Variants in NDST4 observed in about 807,000 individuals in gnomAD.
NDST4 encodes the protein N-deacetylase and N-sulfotransferase 4.
A neutral mutation model predicts 100.8 loss-of-function variants in NDST4; 63 were observed. The ratio of observed to expected loss-of-function variants is 0.62; its 90% CI spans 0.51 to 0.77. The LOEUF (loss-of-function observed/expected upper bound fraction) is 0.77, where lower values mean the gene tolerates loss of function less well. NDST4 is among the 30% of genes least tolerant of loss of function. The pLI, the probability that NDST4 is intolerant of heterozygous loss-of-function variation, is 0.00. For synonymous variants in NDST4, 377 were observed against 361.8 expected (o/e 1.04, Z -0.48); for missense variants, 943 against 1,018.4 (o/e 0.93, Z 1.01).
intron 2 of NDST4, among the ~76,000 whole-genome samples, chr4:115,020,466 A>G (rs757941940): frequency 1.4e-4 from 22 of 152,146 alleles, no homozygotes; most frequent in Non-Finnish European, 2.2e-4. Context: ...AATCACACAT[A>G]GGAAAAACCC....
At chr4:114,997,324 T>C (rs1007492536) in intron 2 of NDST4, among the ~76,000 whole-genome samples, 2 of 152,188 alleles carry the variant, frequency 1.3e-5, no homozygotes, top group Non-Finnish European at 2.9e-5. Context: ...TCCTAGCATG[T>C]TTATATCAAG....
In NDST4 at chr4:115,015,566, A is replaced by G. The variant is rs776646750; in HGVS notation, c.979-38292T>C. ...TTGGTAACAAATTTTGGGAAGAAGT[A>G]CGTGCATAATTCTGTCTTAAAGGGC... is the stretch of plus-strand genomic sequence containing the variant. On this transcript the variant is annotated intron_variant, in intron 2 of 13. Transcript: ENST00000264363. 8.0e-4 allele frequency among the ~76,000 whole-genome samples: 122 copies of G among 152,240 alleles called. 2 individuals are homozygous for G. Among genetic ancestry groups the G allele is most frequent in the Middle Eastern group, 3.4e-3 (1 of 294 alleles).
intron 11 of NDST4, 128 bp from the exon 12 acceptor site, chr4:114,833,843 T>C (rs2126180745): frequency 1.7e-6 from 1 of 582,978 alleles, no homozygotes; most frequent in Admixed American, 3.5e-5. Flanking sequence ...ATGCCCTACT[T>C]AGAATACATC....
intron 2 of NDST4, among the ~76,000 whole-genome samples, chr4:115,026,136 T>G (rs1469878406): frequency 6.6e-6 from 1 of 152,136 alleles, no homozygotes; most frequent in Non-Finnish European, 1.5e-5. Context: ...TCCATTTGAT[T>G]GCATGTACTT....
At chr4:114,946,453 A>G (rs1409481381) in intron 4 of NDST4, among the ~76,000 whole-genome samples, 5 of 152,184 alleles carry the variant, frequency 3.3e-5, no homozygotes, top group African/African-American at 1.2e-4. Flanking sequence ...ACGGGTTGCA[A>G]AATTAAATAG....
chr4:114,997,057 A>G (rs1229787244), intron 2 of NDST4, among the ~76,000 whole-genome samples: 1 of 152,022 alleles, frequency 6.6e-6, no homozygotes, highest in Admixed American at 6.6e-5. Flanking sequence ...CCATGGACAA[A>G]GTCATTTAGA....
chr4:114,845,716 T>C (rs1250106972), intron 10 of NDST4, 107 bp downstream of exon 10: 3 of 1,006,718 alleles, frequency 3.0e-6, no homozygotes, highest in African/African-American at 1.6e-5. Context: ...GTTTAGATAT[T>C]CTTACATTTG....
intron 2 of NDST4, among the ~76,000 whole-genome samples, chr4:114,990,717 C>T (rs1215940282): frequency 6.6e-6 from 1 of 152,072 alleles, no homozygotes; most frequent in Non-Finnish European, 1.5e-5. Context: ...CACACATTTA[C>T]ATAATACACT....
intron 2 of NDST4, among the ~76,000 whole-genome samples, chr4:114,983,616 C>G (rs1467101068): frequency 6.6e-6 from 1 of 152,108 alleles, no homozygotes; most frequent in African/African-American, 2.4e-5. Flanking sequence ...GCAGAAGGAA[C>G]TTACTTTGTC....
intron 2 of NDST4, among the ~76,000 whole-genome samples, chr4:115,013,708 GAAT>G (rs1727611385): frequency 6.6e-6 from 1 of 151,740 alleles, no homozygotes; most frequent in Admixed American, 6.6e-5. Context: ...CTGCAGTTCT[GAAT>G]GCATAACTGG....
rs374061443 is a variant in NDST4 at position 114,894,035 on chromosome 4, G to A, written c.1537-23085C>T. Among the ~76,000 whole-genome samples the A allele has an allele frequency of 1.5e-3, 235 of 152,226 alleles. 1 individual carries two copies. Among genetic ancestry groups the A allele is most frequent in the African/African-American group, 5.0e-3 (209 of 41,550 alleles). On this transcript the variant is annotated intron_variant, in intron 6 of 13. Transcript: ENST00000264363. ...GCTTGTTTTTGTCAGGTTTGTTGAA[G>A]ATCAGATGGTTGTAGATGAGTAGTG...
At chr4:115,083,370 G>A (rs1183590647) in intron 1 of NDST4, among the ~76,000 whole-genome samples, 1 of 152,108 alleles carries the variant, frequency 6.6e-6, no homozygotes, top group Non-Finnish European at 1.5e-5. Context: ...GAGGCAGGGA[G>A]TTTACCTTGA....
At chr4:114,993,535 C>T (rs1727095775) in intron 2 of NDST4, among the ~76,000 whole-genome samples, 1 of 151,906 alleles carries the variant, frequency 6.6e-6, no homozygotes, top group South Asian at 2.1e-4. Flanking sequence ...ATTCTGTTGC[C>T]TTTACACCTA....
At position 114,951,046 on chromosome 4, in the gene NDST4, G is replaced by A. The variant is rs184402618; in HGVS notation, c.1222-13543C>T. Among the ~76,000 whole-genome samples, 8 of 152,018 alleles carry A rather than the reference G, an allele frequency of 5.3e-5. 1 individual carries two copies. In the East Asian group the frequency reaches 1.5e-3, roughly 29 times the overall value. On this transcript the variant is annotated intron_variant, in intron 4 of 13. Transcript: ENST00000264363. ...AAAGGAAGTCAGGAAAGAAAAGAAG[G>A]GGAGAAGGAGGGAATAAGGTTGAAA...
At chr4:114,985,821 C>T (rs1339654438) in intron 2 of NDST4, among the ~76,000 whole-genome samples, 1 of 152,122 alleles carries the variant, frequency 6.6e-6, no homozygotes. Context: ...TCAATAAAGT[C>T]CACCCTGGAA....
At chr4:114,943,573 A>G (rs1164291104) in intron 4 of NDST4, among the ~76,000 whole-genome samples, 2 of 152,120 alleles carry the variant, frequency 1.3e-5, no homozygotes, top group Admixed American at 6.6e-5. Flanking sequence ...ACATTTGAGT[A>G]TCTCTGCCAA....
chr4:114,935,321 T>C lies in NDST4; in HGVS notation c.1421A>G (p.Gln474Arg). Residue 474 changes from glutamine to arginine, a missense_variant, in exon 6 of 14, where the codon CAG becomes CGG. Coordinates refer to ENST00000264363, the MANE Select transcript of NDST4 (RefSeq NM_022569.3). ...IHNSIMVLPR[Q>R]TCGLFTHTIF... is the part of the protein sequence containing the mutation. ...AGTGTGAGTGAACAACCCACAAGTCTGTCGAGGGAGGACCTGAGTAAAAAA... is the reference window on the plus strand; with the variant it reads ...AGTGTGAGTGAACAACCCACAAGTCCGTCGAGGGAGGACCTGAGTAAAAAA... 1 of 1,604,348 alleles carries C rather than the reference T, an allele frequency of 6.2e-7. No homozygotes were observed. The highest frequency in any genetic ancestry group is 8.5e-7 in the Non-Finnish European group (1 of 1,175,824).
chr4:114,980,383 T>C (rs1726740519), intron 2 of NDST4, among the ~76,000 whole-genome samples: 1 of 152,218 alleles, frequency 6.6e-6, no homozygotes, highest in Non-Finnish European at 1.5e-5. Flanking sequence ...GGCTCATGCC[T>C]GTAATCCCAG....
chr4:114,876,580 G>C (rs2126199135), intron 6 of NDST4, among the ~76,000 whole-genome samples: 1 of 152,228 alleles, frequency 6.6e-6, no homozygotes, highest in East Asian at 1.9e-4. Context: ...AGGCAACCCA[G>C]TCTTAGGCAA....
Sources: gnomAD v4.1 joint callset for allele counts (sites outside exome capture counted in the v4.1 genomes callset) on GRCh38, gnomAD v4.1.1 for gene constraint, MANE v1.5 for transcripts, NCBI Gene and HGNC (gene_info 2026-07-23, HGNC 2026-07-21) for gene names.